DPYD: variants seen among roughly 807,000 people sequenced by gnomAD.
DPYD encodes dihydropyrimidine dehydrogenase [NADP(+)].
Under a neutral mutation model 116.2 loss-of-function variants are expected in DPYD, and 109 were observed. That is an observed-to-expected ratio of 0.94 (90% CI 0.80 to 1.10). DPYD has a LOEUF of 1.10. Ranked by LOEUF, DPYD falls within the 50% of genes least tolerant of loss-of-function variation. The pLI, the probability that DPYD is intolerant of heterozygous loss-of-function variation, is 0.00. For missense variants in DPYD, 1,302 were observed against 1,254.5 expected, an observed-to-expected ratio of 1.04 and a Z score of -0.57; for synonymous variants, 440 against 432.0, an observed-to-expected ratio of 1.02 and a Z score of -0.23.
intron 19 of DPYD, among the ~76,000 whole-genome samples, chr1:97,230,541 T>C (rs549178379): frequency 6.6e-6 from 1 of 152,272 alleles, no homozygotes; most frequent in South Asian, 2.1e-4. Context: ...CTAGGCTTAA[T>C]ACTTGGGTGA....
intron 13 of DPYD, among the ~76,000 whole-genome samples, chr1:97,478,507 C>T (rs571790811): frequency 1.8e-4 from 27 of 152,208 alleles, no homozygotes; most frequent in African/African-American, 6.5e-4. Context: ...AGGATGGTCT[C>T]GATCTCTTGA....
At chr1:97,649,548 C>T (rs371133085) in intron 8 of DPYD, among the ~76,000 whole-genome samples, 1 of 151,974 alleles carries the variant, frequency 6.6e-6, no homozygotes, top group African/African-American at 2.4e-5. Context: ...TTGCTTAAAT[C>T]TGCTCATACT....
At chr1:97,454,882 A>G (rs576160083) in intron 13 of DPYD, among the ~76,000 whole-genome samples, 2 of 152,056 alleles carry the variant, frequency 1.3e-5, no homozygotes, top group South Asian at 4.1e-4. Flanking sequence ...GGGGTCAAAC[A>G]AAGTTGGATG....
chr1:97,655,120 C>G (rs1397019362), intron 8 of DPYD, among the ~76,000 whole-genome samples: 2 of 152,044 alleles, frequency 1.3e-5, no homozygotes, highest in African/African-American at 4.8e-5. Flanking sequence ...ACCATATCAG[C>G]TACCACAACA....
chr1:97,373,719 C>G (rs1671432076), intron 15 of DPYD, 75 bp from the exon 16 acceptor site: 1 of 1,274,586 alleles, frequency 7.8e-7, no homozygotes, highest in South Asian at 1.2e-5. Flanking sequence ...CCGTTGATAA[C>G]ACAAGTCACA....
At chr1:97,127,750 A>T (rs1280789258) in intron 20 of DPYD, among the ~76,000 whole-genome samples, 1 of 152,146 alleles carries the variant, frequency 6.6e-6, no homozygotes, top group Non-Finnish European at 1.5e-5. Flanking sequence ...GACCTTTGAC[A>T]TCAACATTTC....
At chr1:97,271,792 C>T (rs553388) in intron 18 of DPYD, among the ~76,000 whole-genome samples, 115,541 of 152,012 alleles carry the variant, frequency 0.76, 44,927 homozygotes, top group African/African-American at 0.93. Flanking sequence ...ATCACAATAT[C>T]CAAATGGAAG....
At chr1:97,221,785 A>G (rs895143548) in intron 19 of DPYD, among the ~76,000 whole-genome samples, 11 of 152,116 alleles carry the variant, frequency 7.2e-5, no homozygotes, top group Admixed American at 7.2e-4. Flanking sequence ...TTATGAACTA[A>G]CAGAAAAAAG....
chr1:97,478,768 G>T (rs1678136448), intron 13 of DPYD, among the ~76,000 whole-genome samples: 1 of 152,166 alleles, frequency 6.6e-6, no homozygotes, highest in Non-Finnish European at 1.5e-5. Flanking sequence ...CCAATATAAG[G>T]CTGTTTTGTC....
chr1:97,417,855 GTC>G (rs1483154656), intron 14 of DPYD, among the ~76,000 whole-genome samples: 1 of 152,086 alleles, frequency 6.6e-6, no homozygotes, highest in Admixed American at 6.5e-5. Context: ...CAGTAACACT[GTC>G]TCTCTGGGGA....
At chr1:97,557,308 CTTTTTTTTT>C (rs796245332) in intron 11 of DPYD, among the ~76,000 whole-genome samples, 1 of 107,158 alleles carries the variant, frequency 9.3e-6, no homozygotes, top group Non-Finnish European at 1.9e-5. Flanking sequence ...TTTTTCTTTT[CTTTTTTTTT>C]TTTTTTTTTT....
At position 97,757,503 on chromosome 1, in the gene DPYD, C is replaced by A. The variant is rs554992355; in HGVS notation, c.234-17024G>T. ...TCTTGCATTTTCAGCAGCAGCCACA[C>A]CAGGTGTTCAACAAATGCTTTTTGA... On this transcript the variant is annotated intron_variant, in intron 3 of 22. Coordinates refer to ENST00000370192, the MANE Select transcript of DPYD (RefSeq NM_000110.4). 5.3e-5 allele frequency among the ~76,000 whole-genome samples: 8 copies of A among 152,124 alleles called. No homozygotes were observed. In the East Asian group the frequency reaches 1.6e-3, roughly 29 times the overall value.
At chr1:97,604,973 A>G (rs946220432) in intron 8 of DPYD, among the ~76,000 whole-genome samples, 3 of 152,048 alleles carry the variant, frequency 2.0e-5, no homozygotes, top group African/African-American at 7.2e-5. Flanking sequence ...TTCTCCTAGG[A>G]TCCTGTGACT....
chr1:97,136,658 G>T (rs1653825884), intron 20 of DPYD, among the ~76,000 whole-genome samples: 1 of 152,114 alleles, frequency 6.6e-6, no homozygotes, highest in Non-Finnish European at 1.5e-5. Flanking sequence ...GTCACAAATT[G>T]TGCTGGAATC....
rs530094757 is a variant in DPYD, at chr1:97,448,233, T to G, written c.1905+1826A>C. Among the ~76,000 whole-genome samples the G allele has an allele frequency of 6.6e-5, 10 of 152,216 alleles. 1 individual carries two copies. In the South Asian group the frequency reaches 2.1e-3, roughly 32 times the overall value. ...CTCTAGTTAAAAAAAAATGTAATAC[T>G]GAATATTTAAGGACAACATAGGCAA... On this transcript the variant is annotated intron_variant, in intron 14 of 22. Transcript: ENST00000370192.
At chr1:97,594,454 G>A (rs917739605) in intron 9 of DPYD, among the ~76,000 whole-genome samples, 1 of 152,252 alleles carries the variant, frequency 6.6e-6, no homozygotes, top group Non-Finnish European at 1.5e-5. Context: ...ATTTCTACAT[G>A]TAATTAATGT....
intron 3 of DPYD, among the ~76,000 whole-genome samples, chr1:97,785,850 G>A (rs566665403): frequency 4.0e-4 from 61 of 151,256 alleles, no homozygotes; most frequent in African/African-American, 1.5e-3. Context: ...TGGCCACCAC[G>A]CCCAGCTAAT....
chr1:97,223,388 A>AACACAC (rs67855545), intron 19 of DPYD, among the ~76,000 whole-genome samples: 14,143 of 148,288 alleles, frequency 0.095, 885 homozygotes, highest in East Asian at 0.35. Context: ...GATAGAATTA[A>AACACAC]ACACACACAC....
At chr1:97,662,403 C>T (rs575327159) in intron 8 of DPYD, among the ~76,000 whole-genome samples, 1 of 151,640 alleles carries the variant, frequency 6.6e-6, no homozygotes, top group Non-Finnish European at 1.5e-5. Flanking sequence ...GAGGCTGAGG[C>T]GGGCAAATGA....
Sources: allele counts gnomAD v4.1 joint callset (sites outside exome capture counted in the v4.1 genomes callset), GRCh38; gene constraint gnomAD v4.1.1; transcripts MANE v1.5; gene names NCBI Gene and HGNC (gene_info 2026-07-23, HGNC 2026-07-21).